GPC6: variants seen among roughly 807,000 people sequenced by gnomAD.
The protein encoded by GPC6 is glypican 6, also known as glypican-6.
A neutral mutation model predicts 55.2 loss-of-function variants in GPC6; 14 were observed. The ratio of observed to expected loss-of-function variants is 0.25; its 90% CI spans 0.17 to 0.40. GPC6 has a LOEUF of 0.40. Ranked by LOEUF, GPC6 falls within the 10% of genes least tolerant of loss-of-function variation. The probability of loss-of-function intolerance (pLI) is 1.00; values close to 1 mark genes in which losing one functional copy is unlikely to be tolerated. For missense variants in GPC6, 641 were observed against 708.5 expected (o/e 0.90, Z 1.08); for synonymous variants, 278 against 259.6 (o/e 1.07, Z -0.68).
At chr13:94,039,458 T>G (rs1883455426) in intron 4 of GPC6, among the ~76,000 whole-genome samples, 1 of 151,806 alleles carries the variant, frequency 6.6e-6, no homozygotes, top group Non-Finnish European at 1.5e-5. Flanking sequence ...TAGAGGTGAC[T>G]GAAAGAAGAG....
chr13:94,253,269 G>A (rs1281468721), intron 4 of GPC6, among the ~76,000 whole-genome samples: 3 of 152,052 alleles, frequency 2.0e-5, no homozygotes, highest in African/African-American at 7.2e-5. Context: ...GGCAGCTGCT[G>A]GGAAAAGAAG....
intron 3 of GPC6, among the ~76,000 whole-genome samples, chr13:93,995,297 C>T (rs768418121): frequency 3.3e-5 from 5 of 152,044 alleles, no homozygotes; most frequent in Non-Finnish European, 5.9e-5. Flanking sequence ...AAGCAATTCT[C>T]CTGGCACAGC....
intron 2 of GPC6, among the ~76,000 whole-genome samples, chr13:93,763,630 C>T (rs1885021219): frequency 6.6e-6 from 1 of 152,142 alleles, no homozygotes; most frequent in Non-Finnish European, 1.5e-5. Flanking sequence ...TTCCAAACTC[C>T]CATGATTTAT....
chr13:94,075,968 A>G (rs1884898184), intron 4 of GPC6, among the ~76,000 whole-genome samples: 3 of 152,136 alleles, frequency 2.0e-5, no homozygotes, highest in South Asian at 2.1e-4. Context: ...ATTCTTTTGG[A>G]CATGTACCTG....
chr13:93,606,840 T>G (rs1371512302), intron 2 of GPC6, among the ~76,000 whole-genome samples: 1 of 152,214 alleles, frequency 6.6e-6, no homozygotes, highest in East Asian at 1.9e-4. Context: ...CATTCCCATT[T>G]AATCCAACTG....
At chr13:93,555,874 C>T (rs1490287636) in intron 2 of GPC6, among the ~76,000 whole-genome samples, 1 of 152,154 alleles carries the variant, frequency 6.6e-6, no homozygotes, top group African/African-American at 2.4e-5. Context: ...CGAGTGTTCT[C>T]TGCTCCACCA....
At chr13:94,150,752 TATC>T (rs1887707629) in intron 4 of GPC6, among the ~76,000 whole-genome samples, 2 of 146,206 alleles carry the variant, frequency 1.4e-5, no homozygotes, top group South Asian at 4.4e-4. Flanking sequence ...GAAGAAGAGA[TATC>T]TAAGTTGAAA....
Position 93,854,347 on chromosome 13 carries a change from A to G in GPC6, c.711+23802A>G, listed in dbSNP as rs1452233849. Among the ~76,000 whole-genome samples the G allele has an allele frequency of 7.9e-5, 12 of 151,840 alleles. No homozygotes were observed. In the South Asian group the frequency reaches 2.1e-3, roughly 26 times the overall value. ...ATTGAAAAACTATTTTTTTCACGAT[A>G]GTAGTATTTGATTTATTTAAAGATA... On this transcript the variant is annotated intron_variant, in intron 3 of 8. Coordinates refer to ENST00000377047, the MANE Select transcript of GPC6 (RefSeq NM_005708.5).
chr13:93,886,759 TG>T (rs778047397), intron 3 of GPC6, among the ~76,000 whole-genome samples: 137 of 144,932 alleles, frequency 9.5e-4, no homozygotes, highest in African/African-American at 2.4e-3. Flanking sequence ...ATTTTTTTTT[TG>T]TTTTTTTTTT....
chr13:93,576,288 T>G (rs563738492), intron 2 of GPC6, among the ~76,000 whole-genome samples: 5 of 152,094 alleles, frequency 3.3e-5, no homozygotes, highest in African/African-American at 9.6e-5. Flanking sequence ...AAAGAGGGAG[T>G]CAATTTTTAA....
chr13:94,129,392 G>T (rs139487156), intron 4 of GPC6, among the ~76,000 whole-genome samples: 21 of 152,094 alleles, frequency 1.4e-4, no homozygotes, highest in Admixed American at 5.2e-4. Context: ...CCAATCAAAG[G>T]GACTTATGGA....
intron 1 of GPC6, among the ~76,000 whole-genome samples, chr13:93,269,396 T>G (rs764773270): frequency 4.5e-4 from 69 of 152,306 alleles, no homozygotes; most frequent in Non-Finnish European, 8.4e-4. Context: ...CATTTGGATA[T>G]TGATTTCTAA....
At chr13:93,874,068 T>A (rs9524262) in intron 3 of GPC6, among the ~76,000 whole-genome samples, 42,040 of 151,768 alleles carry the variant, frequency 0.28, 6,175 homozygotes, top group Non-Finnish European at 0.32. Flanking sequence ...AAGCTTTTAT[T>A]ATAGCTTCAG....
intron 2 of GPC6, among the ~76,000 whole-genome samples, chr13:93,639,697 A>G (rs1191794190): frequency 6.6e-6 from 1 of 152,134 alleles, no homozygotes; most frequent in Non-Finnish European, 1.5e-5. Context: ...TGCCAAGTTC[A>G]AAATAATTGC....
At chr13:94,378,645 C>G (rs577572236) in intron 6 of GPC6, among the ~76,000 whole-genome samples, 1 of 152,274 alleles carries the variant, frequency 6.6e-6, no homozygotes, top group Admixed American at 6.5e-5. Flanking sequence ...TAAAAGAGGG[C>G]TCATGTTTTT....
intron 1 of GPC6, among the ~76,000 whole-genome samples, chr13:93,346,722 A>G (rs1194118488): frequency 6.6e-6 from 1 of 152,204 alleles, no homozygotes; most frequent in Non-Finnish European, 1.5e-5. Context: ...AATGGACAGA[A>G]AATGGAAACT....
At chr13:94,358,136 A>T (rs1176432106) in intron 6 of GPC6, among the ~76,000 whole-genome samples, 1 of 152,030 alleles carries the variant, frequency 6.6e-6, no homozygotes, top group Non-Finnish European at 1.5e-5. Flanking sequence ...CTAAAAATAC[A>T]AAAATTAGCC....
intron 2 of GPC6, among the ~76,000 whole-genome samples, chr13:93,700,833 G>A (rs1170490675): frequency 2.6e-5 from 4 of 152,052 alleles, no homozygotes; most frequent in African/African-American, 9.7e-5. Flanking sequence ...TGACTAACCA[G>A]GTCATTTACT....
At chr13:93,292,513 C>T (rs1205802885) in intron 1 of GPC6, among the ~76,000 whole-genome samples, 4 of 152,104 alleles carry the variant, frequency 2.6e-5, no homozygotes, top group African/African-American at 9.7e-5. Flanking sequence ...AATATGCTCA[C>T]AAATATTTAA....
Sources: allele counts gnomAD v4.1 joint callset (sites outside exome capture counted in the v4.1 genomes callset), GRCh38; gene constraint gnomAD v4.1.1; transcripts MANE v1.5; gene names NCBI Gene and HGNC (gene_info 2026-07-23, HGNC 2026-07-21).